Variants in FBXL18 observed in about 807,000 individuals in gnomAD.
FBXL18 encodes the protein F-box and leucine rich repeat protein 18.
In FBXL18, 36 loss-of-function variants were observed where a neutral mutation model predicts 46.0. The observed-to-expected ratio is 0.78, with a 90% CI of 0.60 to 1.03. The LOEUF is 1.03. FBXL18 is among the 50% of genes least tolerant of loss of function. The pLI, the probability that FBXL18 is intolerant of heterozygous loss-of-function variation, is 0.00. For synonymous variants in FBXL18, 557 were observed against 465.3 expected, an observed-to-expected ratio of 1.20 and a Z score of -2.54; for missense variants, 977 against 1,004.1, an observed-to-expected ratio of 0.97 and a Z score of 0.36.
At chr7:5,486,110 T>A (rs1289923350) in intron 4 of FBXL18, among the ~76,000 whole-genome samples, 1 of 147,564 alleles carries the variant, frequency 6.8e-6, no homozygotes, top group Non-Finnish European at 1.5e-5. Context: ...AAAATTTAGC[T>A]GGGCGTGCTG....
chr7:5,466,823 T>A (rs1479442572), intron 4 of FBXL18, among the ~76,000 whole-genome samples: 1 of 152,196 alleles, frequency 6.6e-6, no homozygotes, highest in Admixed American at 6.5e-5. Context: ...GCTATCACCC[T>A]GATCCTCAAT....
rs909039470 is a variant in FBXL18 at position 5,501,559 on chromosome 7, A to C, written c.710T>G (p.Leu237Arg). ...CTCCTGGTTGATGTAGCCGGGGGCC[A>C]GGCGCGCATAGAAGACCCGCAGGTT... Reference protein sequence around the residue: ...YQNLRVFYARLAPGYINQEVV... With the variant: ...YQNLRVFYARRAPGYINQEVV... Residue 237 changes from leucine to arginine, a missense_variant, in exon 3 of 5, where the codon CTG becomes CGG. Physicochemically the swap from Leu to Arg is moderately radical, Grantham distance 102. Transcript: ENST00000382368. 1 of 1,613,706 alleles carries C rather than the reference A, an allele frequency of 6.2e-7. No individual in the cohort carries two copies. Among genetic ancestry groups the C allele is most frequent in the Non-Finnish European group, 8.5e-7 (1 of 1,179,990 alleles).
At chr7:5,489,210 A>C (rs769575547) in intron 4 of FBXL18, 22 of 516,140 alleles carry the variant, frequency 4.3e-5, no homozygotes, top group Admixed American at 2.7e-4. Context: ...ATTTACTGAC[A>C]CAAGAGGACT....
chr7:5,495,787 T>C (rs1001690206), intron 3 of FBXL18: 3 of 472,802 alleles, frequency 6.3e-6, no homozygotes, highest in Non-Finnish European at 1.3e-5. Flanking sequence ...CCGGGCTCCC[T>C]TGCCGCAGAA....
chr7:5,456,626 A>C (rs7799592), intron 4 of FBXL18, among the ~76,000 whole-genome samples: 105,159 of 148,182 alleles, frequency 0.71, 37,257 homozygotes, highest in East Asian at 0.85. Flanking sequence ...AAGGGCAGAG[A>C]ACTTAAGGTA....
At chr7:5,487,772 G>A (rs932378638) in intron 4 of FBXL18, among the ~76,000 whole-genome samples, 9 of 150,952 alleles carry the variant, frequency 6.0e-5, no homozygotes, top group African/African-American at 1.7e-4. Context: ...GAACACGGAC[G>A]CCTCAACACC....
At chr7:5,475,215 C>G (rs10951955), downstream of FBXL18, among the ~76,000 whole-genome samples, 136,484 of 151,718 alleles carry the variant, frequency 0.9, 61,490 homozygotes, top group African/African-American at 0.94. This position sits in a 1 kb window ranked among gnomAD's most constrained non-coding sequence, Gnocchi z 4.2. Context: ...CCAGCTACTC[C>G]GGAGGCTGAG....
chr7:5,509,841 G>A (rs1156581557), intron 1 of FBXL18, among the ~76,000 whole-genome samples: 6 of 152,012 alleles, frequency 3.9e-5, no homozygotes, highest in South Asian at 2.1e-4. Context: ...GAAGCAGCTC[G>A]AATGGGCCCC....
At chr7:5,488,896 GACT>G (rs1005349203) in intron 4 of FBXL18, among the ~76,000 whole-genome samples, 1 of 152,148 alleles carries the variant, frequency 6.6e-6, no homozygotes, top group Non-Finnish European at 1.5e-5. Flanking sequence ...AAGCCCACTC[GACT>G]AAGCCCTTTG....
chr7:5,461,871 G>T (rs563609275), intron 4 of FBXL18, among the ~76,000 whole-genome samples: 4 of 152,272 alleles, frequency 2.6e-5, no homozygotes, highest in South Asian at 4.1e-4. Context: ...AGCTTGGGAG[G>T]CAGAGGTTGC....
At chr7:5,498,465 G>A (rs1052505765) in intron 3 of FBXL18, among the ~76,000 whole-genome samples, 3 of 152,168 alleles carry the variant, frequency 2.0e-5, no homozygotes, top group African/African-American at 4.8e-5. Flanking sequence ...TCAACTCCAG[G>A]TACAGACCCC....
At chr7:5,504,169 C>T (rs1480135747) in intron 2 of FBXL18, among the ~76,000 whole-genome samples, 1 of 151,842 alleles carries the variant, frequency 6.6e-6, no homozygotes, top group Non-Finnish European at 1.5e-5. Context: ...ATGGGTCACA[C>T]CTGTAATCCC....
chr7:5,493,778 G>T (rs956852219), intron 3 of FBXL18, among the ~76,000 whole-genome samples: 3 of 151,864 alleles, frequency 2.0e-5, no homozygotes, highest in Non-Finnish European at 4.4e-5. Flanking sequence ...GCCTCCCAAA[G>T]TGCTAGGATT....
chr7:5,484,284 G>T (rs184407873), intron 4 of FBXL18, among the ~76,000 whole-genome samples: 1 of 151,988 alleles, frequency 6.6e-6, no homozygotes, highest in African/African-American at 2.4e-5. Context: ...TGGCTAACAC[G>T]GTGAAACCCC....
Position 5,481,835 on chromosome 7 carries a change from C to A in FBXL18, c.2097G>T (p.Leu699=). The part of the protein sequence containing the change: ...DVIRDVPLVH[L]DEITLFKSRV... ...TGCTCTTAAATAAGGTGATCTCATC[C>A]AGGTGCACCAGGGGGACGTCCCGGA... Residue 699 remains leucine (L), a synonymous_variant, in exon 5 of 5, where the codon CTG becomes CTT. Coordinates refer to ENST00000382368, the MANE Select transcript of FBXL18 (RefSeq NM_024963.6). 6.2e-7 allele frequency: 1 copy of A among 1,613,848 alleles called. No homozygotes were observed. Among genetic ancestry groups the A allele is most frequent in the Non-Finnish European group, 8.5e-7 (1 of 1,180,004 alleles).
intron 4 of FBXL18, chr7:5,489,394 G>A: frequency 4.0e-6 from 2 of 500,758 alleles, no homozygotes; most frequent in Non-Finnish European, 8.0e-6. Context: ...CAGCACTTTG[G>A]GAGGCTGAGG....
chr7:5,462,093 T>G lies in FBXL18; in HGVS notation c.2001-14250A>C, dbSNP rs112300894. On this transcript the variant is annotated intron_variant and NMD_transcript_variant, in intron 4 of 6. Coordinates refer to the FBXL18 transcript ENST00000415009. Reference sequence around the variant, plus strand: ...CGTCTACTAAAATTAGCTGGCATGGTAGCACACACCTGTAATCCTAGCTAC... The same window carrying G: ...CGTCTACTAAAATTAGCTGGCATGGGAGCACACACCTGTAATCCTAGCTAC... Among the ~76,000 whole-genome samples, 1,158 of 152,104 alleles carry G rather than the reference T, an allele frequency of 7.6e-3. 16 individuals carry two copies. Among genetic ancestry groups the G allele is most frequent in the African/African-American group, 0.025 (1,030 of 41,492 alleles).
chr7:5,513,635 C>A (rs1386662419), intron 1 of FBXL18, 22 bp downstream of exon 1: 4 of 1,612,172 alleles, frequency 2.5e-6, no homozygotes, highest in Admixed American at 1.7e-5. Flanking sequence ...AGAAGCAGAG[C>A]GGAGACAGTC....
chr7:5,482,591 G>C (rs975674115), intron 4 of FBXL18, among the ~76,000 whole-genome samples: 1 of 143,374 alleles, frequency 7.0e-6, no homozygotes, highest in Non-Finnish European at 1.5e-5. Context: ...CCGAGTGCCA[G>C]ACGCTGCATT....
Sources: allele counts gnomAD v4.1 joint callset (sites outside exome capture counted in the v4.1 genomes callset), GRCh38; gene constraint gnomAD v4.1.1; non-coding constraint Gnocchi (gnomAD v3.1); transcripts MANE v1.5; gene names NCBI Gene and HGNC (gene_info 2026-07-23, HGNC 2026-07-21).